DYM: variants seen among roughly 807,000 people sequenced by gnomAD.
DYM encodes dyggve-Melchior-Clausen syndrome protein.
In DYM, 78 loss-of-function variants were observed where a neutral mutation model predicts 93.1. That is an observed-to-expected ratio of 0.84 (90% CI 0.70 to 1.01). DYM has a LOEUF of 1.01. Among genes scored for constraint, DYM ranks in the 50% least tolerant of loss-of-function variants. The probability of loss-of-function intolerance (pLI) is 0.00; values close to 1 mark genes in which losing one functional copy is unlikely to be tolerated. For synonymous variants in DYM, 321 were observed against 319.7 expected (o/e 1.00, Z -0.04); for missense variants, 789 against 845.0 (o/e 0.93, Z 0.82).
At chr18:49,417,553 G>GC (rs76238877) in intron 2 of DYM, among the ~76,000 whole-genome samples, 3 of 151,712 alleles carry the variant, frequency 2.0e-5, no homozygotes, top group East Asian at 1.9e-4. Flanking sequence ...TGGTATATAT[G>GC]CCCCCCCATT....
intron 8 of DYM, among the ~76,000 whole-genome samples, chr18:49,303,284 T>C (rs1029566098): frequency 3.9e-5 from 6 of 152,218 alleles, no homozygotes; most frequent in Non-Finnish European, 8.8e-5. Flanking sequence ...AAACTGTCTC[T>C]TTGCAGGCCT....
At chr18:49,233,186 C>G (rs563550835) in intron 13 of DYM, among the ~76,000 whole-genome samples, 1 of 151,560 alleles carries the variant, frequency 6.6e-6, no homozygotes, top group Non-Finnish European at 1.5e-5. Flanking sequence ...CATGGTGAAA[C>G]CCCATCTCTA....
chr18:49,080,203 G>T (rs1434814475), intron 17 of DYM, among the ~76,000 whole-genome samples: 2 of 108,466 alleles, frequency 1.8e-5, no homozygotes, highest in Non-Finnish European at 3.9e-5. Context: ...CTGGCCGGGT[G>T]GGGGGCTGAC....
chr18:49,085,835 T>G (rs2078473164), intron 17 of DYM, among the ~76,000 whole-genome samples: 1 of 152,120 alleles, frequency 6.6e-6, no homozygotes, highest in Admixed American at 6.5e-5. Flanking sequence ...CTTGAACGTC[T>G]GACTGGTGAT....
chr18:49,402,253 T>TA (rs2070938135), intron 2 of DYM, among the ~76,000 whole-genome samples: 1 of 152,164 alleles, frequency 6.6e-6, no homozygotes, highest in African/African-American at 2.4e-5. Context: ...GGAGTATCCT[T>TA]ATGTCATGCT....
chr18:49,420,324 C>A (rs544200928), intron 2 of DYM, among the ~76,000 whole-genome samples: 3 of 151,980 alleles, frequency 2.0e-5, no homozygotes, highest in African/African-American at 7.2e-5. Flanking sequence ...CCCGCCACCA[C>A]GCCTGGCTAA....
At chr18:49,379,531 CTTT>C in intron 4 of DYM, 131 bp downstream of exon 4, 1 of 802,252 alleles carries the variant, frequency 1.2e-6, no homozygotes, top group Non-Finnish European at 2.0e-6. Flanking sequence ...ACCTCTCTAC[CTTT>C]TTTTCTTAAT....
chr18:49,126,207 T>C (rs1008867037), intron 15 of DYM: 27 of 152,198 alleles, frequency 1.8e-4, no homozygotes, highest in African/African-American at 6.5e-4. Flanking sequence ...CTGGAAACCA[T>C]GCTCTGGATC....
Position 49,036,843 on chromosome 18 carries a change from T to C in DYM, c.*7212A>G, listed in dbSNP as rs2070721372. 6.6e-6 allele frequency among the ~76,000 whole-genome samples: 1 copy of C among 152,182 alleles called. No homozygotes were observed. Among genetic ancestry groups the C allele is most frequent in the South Asian group, 2.1e-4 (1 of 4,828 alleles). The stretch of plus-strand genomic sequence containing the variant: ...TGTTTTCCTTTCTGATATTGGCTAT[T>C]CCTCTCTCCTGCCCTTTCTCCTTCC... On this transcript the variant is annotated 3_prime_UTR_variant, in exon 18 of 18. Coordinates refer to ENST00000675505, the MANE Select transcript of DYM (RefSeq NM_001353214.3).
At chr18:49,388,919 AAAAAAAAAAG>A in intron 3 of DYM, among the ~76,000 whole-genome samples, 1 of 151,544 alleles carries the variant, frequency 6.6e-6, no homozygotes, top group East Asian at 1.9e-4. Context: ...CAGACAAAAA[AAAAAAAAAAG>A]AAAAAAGAGA....
chr18:49,364,504 C>G (rs1025067586), intron 5 of DYM, among the ~76,000 whole-genome samples: 1 of 151,994 alleles, frequency 6.6e-6, no homozygotes, highest in Non-Finnish European at 1.5e-5. Flanking sequence ...ACCTTCATAA[C>G]TAGTTAGTAT....
chr18:49,241,948 C>T (rs549553691), intron 13 of DYM, among the ~76,000 whole-genome samples: 20 of 152,286 alleles, frequency 1.3e-4, no homozygotes, highest in African/African-American at 4.6e-4. Context: ...GATAAGTCAC[C>T]TTCTACGCTG....
chr18:49,255,473 G>A (rs1037268082), intron 13 of DYM, among the ~76,000 whole-genome samples: 2 of 152,122 alleles, frequency 1.3e-5, no homozygotes, highest in Admixed American at 1.3e-4. Context: ...AGGAGTTTGA[G>A]ACCAACCTGA....
intron 13 of DYM, among the ~76,000 whole-genome samples, chr18:49,247,348 C>T (rs2094194356): frequency 1.3e-5 from 2 of 152,188 alleles, no homozygotes; most frequent in Admixed American, 6.5e-5. Flanking sequence ...CAATAACAAA[C>T]TGTCCTTTGT....
chr18:49,326,719 C>T lies in DYM; in HGVS notation c.763+5145G>A, dbSNP rs1033764495. On this transcript the variant is annotated intron_variant, in intron 8 of 17. Transcript: ENST00000675505. Reference sequence around the variant, plus strand: ...GATAGCAGAGTGGTTACAAGAATACCTAATTGTAAAAATTCAACTTAAGTG... The same window carrying T: ...GATAGCAGAGTGGTTACAAGAATACTTAATTGTAAAAATTCAACTTAAGTG... Among the ~76,000 whole-genome samples, 4 of 152,070 alleles carry T rather than the reference C, an allele frequency of 2.6e-5. No individual in the cohort carries two copies. The South Asian group carries it at 8.3e-4, about 31-fold the overall frequency.
chr18:49,253,038 G>GT (rs1453565800), intron 13 of DYM, among the ~76,000 whole-genome samples: 1 of 152,158 alleles, frequency 6.6e-6, no homozygotes, highest in African/African-American at 2.4e-5. Context: ...CCTAGGTACT[G>GT]TAAGGAATCA....
At chr18:49,300,828 A>G (rs1281569875) in intron 8 of DYM, among the ~76,000 whole-genome samples, 3 of 152,126 alleles carry the variant, frequency 2.0e-5, no homozygotes, top group Non-Finnish European at 4.4e-5. Flanking sequence ...TCTGTGCAAT[A>G]TCATCATGGG....
intron 2 of DYM, among the ~76,000 whole-genome samples, chr18:49,395,458 T>C (rs12605827): frequency 0.091 from 13,837 of 151,790 alleles, 839 homozygotes; most frequent in East Asian, 0.31. Flanking sequence ...GGAGAAACCC[T>C]ATCTCTACTA....
At chr18:49,207,093 C>A (rs2092555070) in intron 14 of DYM, among the ~76,000 whole-genome samples, 1 of 151,930 alleles carries the variant, frequency 6.6e-6, no homozygotes, top group African/African-American at 2.4e-5. Flanking sequence ...CTTTCATTTT[C>A]TTTTATTTTC....
Sources: allele counts gnomAD v4.1 joint callset (sites outside exome capture counted in the v4.1 genomes callset), GRCh38; gene constraint gnomAD v4.1.1; transcripts MANE v1.5; gene names NCBI Gene and HGNC (gene_info 2026-07-23, HGNC 2026-07-21).